Variants in GTF2F2 observed in about 807,000 individuals in gnomAD.
The protein encoded by GTF2F2 is general transcription factor IIF subunit 2.
Under a neutral mutation model 42.2 loss-of-function variants are expected in GTF2F2, and 23 were observed. The observed-to-expected ratio is 0.55, with a 90% CI of 0.39 to 0.77. GTF2F2 has a LOEUF of 0.77. GTF2F2 is among the 30% of genes least tolerant of loss of function. The pLI is 0.00. For synonymous variants in GTF2F2, 105 were observed against 100.8 expected (o/e 1.04, Z -0.25); for missense variants, 261 against 287.2 (o/e 0.91, Z 0.66).
In GTF2F2 at chr13:45,229,447, A is replaced by G. The variant is rs143975360; in HGVS notation, c.386+21942A>G. On this transcript the variant is annotated intron_variant, in intron 5 of 7. Transcript: ENST00000340473. ...CTCTCCATGGCAGCTCTTCCTACAC[A>G]CTGTGATTATACTTATCTCTTTAAG... is the stretch of plus-strand genomic sequence containing the variant. 1.8e-3 allele frequency among the ~76,000 whole-genome samples: 273 copies of G among 151,998 alleles called. 7 individuals are homozygous for G. In the East Asian group the frequency reaches 0.046, roughly 26 times the overall value.
intron 1 of GTF2F2, among the ~76,000 whole-genome samples, chr13:45,121,518 G>A (rs367768253): frequency 1.3e-5 from 2 of 152,182 alleles, no homozygotes; most frequent in East Asian, 1.9e-4. Flanking sequence ...TTAAATCTAA[G>A]AGGTCTTTCT....
chr13:45,124,042 G>T, intron 1 of GTF2F2: 2 of 1,140,544 alleles, frequency 1.8e-6, no homozygotes, highest in Non-Finnish European at 2.6e-6. Context: ...GGGCCATGAG[G>T]TCCCCCACCC....
intron 1 of GTF2F2, among the ~76,000 whole-genome samples, chr13:45,125,407 C>T (rs1216635394): frequency 6.6e-6 from 1 of 152,102 alleles, no homozygotes; most frequent in African/African-American, 2.4e-5. Flanking sequence ...GCAACCTCCA[C>T]CTTCCAGGTT....
intron 2 of GTF2F2, among the ~76,000 whole-genome samples, chr13:45,138,131 T>C (rs926553786): frequency 3.9e-5 from 6 of 152,204 alleles, no homozygotes; most frequent in African/African-American, 1.2e-4. Context: ...TCTCGCCTCA[T>C]TGGCTGTTCC....
At chr13:45,148,590 A>G in intron 2 of GTF2F2, among the ~76,000 whole-genome samples, 1 of 152,192 alleles carries the variant, frequency 6.6e-6, no homozygotes, top group Non-Finnish European at 1.5e-5. Flanking sequence ...AATGGAAGAA[A>G]TGGCTTCTTC....
At chr13:45,157,308 A>C (rs1870809444) in intron 4 of GTF2F2, among the ~76,000 whole-genome samples, 1 of 152,216 alleles carries the variant, frequency 6.6e-6, no homozygotes, top group African/African-American at 2.4e-5. Flanking sequence ...AGAAGGGTGG[A>C]TGTTGGCAGT....
rs569223827 is a variant in GTF2F2, at chr13:45,264,512, C to T, written c.487-2721C>T. Among the ~76,000 whole-genome samples, 13 of 152,128 alleles carry T rather than the reference C, an allele frequency of 8.5e-5. No individual in the cohort carries two copies. In the South Asian group the frequency reaches 1.7e-3, roughly 19 times the overall value. On this transcript the variant is annotated intron_variant, in intron 6 of 7. Transcript: ENST00000340473. Reference sequence around the variant, plus strand: ...CTTGAACTCCTGACCTCAAATGATCCGCCCACTTTGTCCTCCCAAAGTTGC... The same window carrying T: ...CTTGAACTCCTGACCTCAAATGATCTGCCCACTTTGTCCTCCCAAAGTTGC...
chr13:45,258,745 AT>A (rs1289572238), intron 6 of GTF2F2, among the ~76,000 whole-genome samples: 2 of 152,162 alleles, frequency 1.3e-5, no homozygotes, highest in Admixed American at 1.3e-4. Flanking sequence ...TCCCTTTAAA[AT>A]TTTTTATCTT....
chr13:45,190,536 C>T (rs2138167598), intron 4 of GTF2F2, among the ~76,000 whole-genome samples: 1 of 152,184 alleles, frequency 6.6e-6, no homozygotes, highest in Non-Finnish European at 1.5e-5. Context: ...TAATCTTGGG[C>T]AGGTTACTTA....
At chr13:45,275,008 A>G (rs560576176) in intron 7 of GTF2F2, among the ~76,000 whole-genome samples, 50 of 152,286 alleles carry the variant, frequency 3.3e-4, no homozygotes, top group Non-Finnish European at 3.5e-4. Context: ...TTGCCCTAAA[A>G]AGAAACTTCA....
At chr13:45,149,285 A>T (rs1870358157) in intron 2 of GTF2F2, among the ~76,000 whole-genome samples, 1 of 151,644 alleles carries the variant, frequency 6.6e-6, no homozygotes, top group South Asian at 2.1e-4. Context: ...AAAAAAAAAA[A>T]TACAGAAGTT....
At chr13:45,242,256 C>CT (rs71184405) in intron 5 of GTF2F2, among the ~76,000 whole-genome samples, 3,828 of 105,634 alleles carry the variant, frequency 0.036, 135 homozygotes, top group African/African-American at 0.081. Flanking sequence ...GCTGGCACTT[C>CT]TTTTTTTTTT....
At chr13:45,255,398 C>T (rs1282894589) in intron 6 of GTF2F2, among the ~76,000 whole-genome samples, 1 of 152,146 alleles carries the variant, frequency 6.6e-6, no homozygotes, top group Admixed American at 6.5e-5. Context: ...CATATAAATA[C>T]ATTCACATTT....
chr13:45,150,227 A>G (rs889053781), intron 3 of GTF2F2, among the ~76,000 whole-genome samples: 1 of 152,216 alleles, frequency 6.6e-6, no homozygotes, highest in African/African-American at 2.4e-5. Context: ...AATTTTGTTT[A>G]TAAGTCTGTT....
At chr13:45,273,067 G>A (rs1036253760) in intron 7 of GTF2F2, among the ~76,000 whole-genome samples, 7 of 149,812 alleles carry the variant, frequency 4.7e-5, no homozygotes, top group African/African-American at 7.4e-5. Flanking sequence ...CTGGAATTAC[G>A]GGCGCCCGCC....
intron 1 of GTF2F2, among the ~76,000 whole-genome samples, chr13:45,125,205 G>A (rs1868916255): frequency 6.6e-6 from 1 of 152,190 alleles, no homozygotes; most frequent in African/African-American, 2.4e-5. Context: ...TTAAGGTTAG[G>A]GAGGTTAATT....
chr13:45,219,816 A>T (rs1874037646), intron 5 of GTF2F2, among the ~76,000 whole-genome samples: 1 of 152,250 alleles, frequency 6.6e-6, no homozygotes, highest in Non-Finnish European at 1.5e-5. Flanking sequence ...GAAAGCCTCA[A>T]AATGTCTAAA....
At position 45,233,183 on chromosome 13, in the gene GTF2F2, A is replaced by G. The variant is rs140165270; in HGVS notation, c.387-19688A>G. Among the ~76,000 whole-genome samples the G allele has an allele frequency of 6.2e-3, 946 of 152,312 alleles. 11 individuals are homozygous for G. The highest frequency in any genetic ancestry group is 0.022 in the African/African-American group (904 of 41,572). Reference sequence around the variant, plus strand: ...TTGAGCCCAGAAGTTTGAGGCAGTAATATGCTATGATTGTGCCTGCGAAAA... The same window carrying G: ...TTGAGCCCAGAAGTTTGAGGCAGTAGTATGCTATGATTGTGCCTGCGAAAA... On this transcript the variant is annotated intron_variant, in intron 5 of 7. Transcript: ENST00000340473.
At position 45,228,283 on chromosome 13, in the gene GTF2F2, CTT is replaced by C. The variant is rs372901327; in HGVS notation, c.386+20793_386+20794del. The stretch of plus-strand genomic sequence containing the variant: ...TTTCCTTATTGCTGCCAGAGTTAAT[CTT>C]TTTTTTTTTTTTTTGGAGACGGAGT... On this transcript the variant is annotated intron_variant, in intron 5 of 7. Transcript: ENST00000340473. Among the ~76,000 whole-genome samples the C allele has an allele frequency of 8.1e-3, 748 of 92,620 alleles. 52 individuals carry two copies. The highest frequency in any genetic ancestry group is 0.038 in the African/African-American group (667 of 17,646). 60.8% of individuals were successfully genotyped at this position (92,620 alleles called of 152,430 possible). A position where few individuals can be genotyped will look rare whatever the true frequency, so the allele number is the denominator to read the frequency against.
Sources: allele counts gnomAD v4.1 joint callset (sites outside exome capture counted in the v4.1 genomes callset), GRCh38; gene constraint gnomAD v4.1.1; transcripts MANE v1.5; gene names NCBI Gene and HGNC (gene_info 2026-07-23, HGNC 2026-07-21).